The following PTPRD variants were observed in gnomAD, a reference collection of about 807,000 sequenced individuals.
The protein encoded by PTPRD is protein tyrosine phosphatase receptor type D.
PTPRD carries 34 observed loss-of-function variants against 214.5 expected under a neutral mutation model. The observed-to-expected ratio is 0.16, with a 90% CI of 0.12 to 0.21. The LOEUF (loss-of-function observed/expected upper bound fraction) is 0.21, where lower values mean the gene tolerates loss of function less well. Among genes scored for constraint, PTPRD ranks in the 10% least tolerant of loss-of-function variants. The pLI, the probability that PTPRD is intolerant of heterozygous loss-of-function variation, is 1.00. For missense variants in PTPRD, 2,545 were observed against 2,398.7 expected (o/e 1.06, Z -1.27); for synonymous variants, 1,128 against 845.7 (o/e 1.33, Z -5.79).
At chr9:8,669,185 C>T (rs2097227947) in intron 12 of PTPRD, among the ~76,000 whole-genome samples, 1 of 152,244 alleles carries the variant, frequency 6.6e-6, no homozygotes, top group South Asian at 2.1e-4. Flanking sequence ...GTTGGATGCA[C>T]ACAGCCCCAC....
chr9:8,451,380 C>T lies in PTPRD; in HGVS notation c.3876-1543G>A, dbSNP rs547371198. On this transcript the variant is annotated intron_variant, in intron 33 of 45. Coordinates refer to ENST00000381196, the MANE Select transcript of PTPRD (RefSeq NM_002839.4). ...CCAATCAGAGGTGAGCAGTATTCTGCGACCTGCCAAGGTACTGGCAGCTCC... is the reference window on the plus strand; with the variant it reads ...CCAATCAGAGGTGAGCAGTATTCTGTGACCTGCCAAGGTACTGGCAGCTCC... Among the ~76,000 whole-genome samples, 7 of 152,012 alleles carry T rather than the reference C, an allele frequency of 4.6e-5. No individual in the cohort carries two copies. The East Asian group carries it at 7.8e-4, about 17-fold the overall frequency.
intron 8 of PTPRD, among the ~76,000 whole-genome samples, chr9:9,573,725 G>A (rs1178087234): frequency 1.3e-5 from 2 of 151,774 alleles, no homozygotes; most frequent in Non-Finnish European, 3.0e-5. Context: ...TATCAGCAAA[G>A]TCCTCCTGGT....
At chr9:9,650,775 G>C (rs549600662) in intron 7 of PTPRD, among the ~76,000 whole-genome samples, 1 of 150,748 alleles carries the variant, frequency 6.6e-6, no homozygotes, top group South Asian at 2.1e-4. Flanking sequence ...CTCTGAACTT[G>C]AAAGTGAAAA....
intron 7 of PTPRD, among the ~76,000 whole-genome samples, chr9:9,666,905 T>C (rs1474655001): frequency 6.6e-6 from 1 of 152,086 alleles, no homozygotes; most frequent in Non-Finnish European, 1.5e-5. Flanking sequence ...TACATTGTTG[T>C]ATTTAATGCA....
At chr9:9,225,665 C>A (rs17667777) in intron 9 of PTPRD, among the ~76,000 whole-genome samples, 1 of 151,886 alleles carries the variant, frequency 6.6e-6, no homozygotes, top group Non-Finnish European at 1.5e-5. Context: ...TAAAGGATAG[C>A]GCATTTAAGA....
At chr9:9,486,650 A>G (rs1456122540) in intron 8 of PTPRD, among the ~76,000 whole-genome samples, 2 of 152,098 alleles carry the variant, frequency 1.3e-5, no homozygotes, top group Non-Finnish European at 2.9e-5. Context: ...GTCTACAAAC[A>G]GGCTATGTTG....
chr9:8,680,731 T>A (rs901686574), intron 12 of PTPRD, among the ~76,000 whole-genome samples: 1 of 152,192 alleles, frequency 6.6e-6, no homozygotes, highest in African/African-American at 2.4e-5. Context: ...TACTTCTATA[T>A]CTATGTCTTT....
intron 3 of PTPRD, among the ~76,000 whole-genome samples, chr9:10,310,410 C>T (rs1202040041): frequency 2.0e-5 from 3 of 152,000 alleles, no homozygotes; most frequent in Middle Eastern, 6.8e-3. Flanking sequence ...AAAAATTCAA[C>T]GTTATCATTA....
At chr9:8,740,193 G>C (rs1356294078) in intron 11 of PTPRD, among the ~76,000 whole-genome samples, 1 of 152,150 alleles carries the variant, frequency 6.6e-6, no homozygotes, top group Non-Finnish European at 1.5e-5. Context: ...GCAAAGGGAA[G>C]ATCAATAAGT....
chr9:10,489,516 T>C (rs939804946), intron 2 of PTPRD, among the ~76,000 whole-genome samples: 1 of 152,148 alleles, frequency 6.6e-6, no homozygotes, highest in African/African-American at 2.4e-5. Flanking sequence ...AGTTCAGCAC[T>C]AGGACTCACC....
At chr9:8,699,352 A>G (rs1311414067) in intron 12 of PTPRD, among the ~76,000 whole-genome samples, 1 of 152,214 alleles carries the variant, frequency 6.6e-6, no homozygotes. Flanking sequence ...AATACACCTC[A>G]TATCATTAAA....
At chr9:10,260,346 A>G (rs1183512701) in intron 3 of PTPRD, among the ~76,000 whole-genome samples, 1 of 152,166 alleles carries the variant, frequency 6.6e-6, no homozygotes, top group African/African-American at 2.4e-5. Flanking sequence ...TCCTAATTAT[A>G]TCCTTTTATC....
intron 11 of PTPRD, among the ~76,000 whole-genome samples, chr9:8,979,057 C>T (rs974623326): frequency 6.6e-6 from 1 of 152,104 alleles, no homozygotes; most frequent in Admixed American, 6.6e-5. Context: ...CAGACCCAAA[C>T]TTGTAATTCA....
At chr9:8,639,539 G>A (rs2096528047) in intron 12 of PTPRD, among the ~76,000 whole-genome samples, 3 of 152,188 alleles carry the variant, frequency 2.0e-5, no homozygotes, top group Admixed American at 6.5e-5. Context: ...AAGGGCTGTT[G>A]CATAAAATGA....
chr9:9,505,126 A>G (rs943312120), intron 8 of PTPRD, among the ~76,000 whole-genome samples: 1 of 151,418 alleles, frequency 6.6e-6, no homozygotes, highest in African/African-American at 2.4e-5. Flanking sequence ...CTGACTTTCT[A>G]TTTCCTTTGA....
At chr9:8,673,746 CTATT>C (rs1395854562) in intron 12 of PTPRD, among the ~76,000 whole-genome samples, 1 of 152,160 alleles carries the variant, frequency 6.6e-6, no homozygotes, top group African/African-American at 2.4e-5. Flanking sequence ...GAAAATATCT[CTATT>C]TGTGTATGTT....
chr9:9,164,071 T>C (rs1453460737), intron 10 of PTPRD, among the ~76,000 whole-genome samples: 1 of 152,204 alleles, frequency 6.6e-6, no homozygotes, highest in East Asian at 1.9e-4. Context: ...ATGCCTATTA[T>C]ATTAGTTTCC....
At chr9:9,456,019 C>A (rs1195611632) in intron 8 of PTPRD, among the ~76,000 whole-genome samples, 3 of 151,674 alleles carry the variant, frequency 2.0e-5, no homozygotes, top group Admixed American at 1.3e-4. Context: ...TAAATGTTGC[C>A]AAAGTTAAAT....
chr9:9,619,477 T>A (rs2095102332), intron 7 of PTPRD, among the ~76,000 whole-genome samples: 2 of 147,800 alleles, frequency 1.4e-5, no homozygotes, highest in African/African-American at 4.9e-5. Context: ...TATATTCACA[T>A]ATTCTATATA....
Sources: allele counts gnomAD v4.1 joint callset (sites outside exome capture counted in the v4.1 genomes callset), GRCh38; gene constraint gnomAD v4.1.1; transcripts MANE v1.5; gene names NCBI Gene and HGNC (gene_info 2026-07-23, HGNC 2026-07-21).